The following CDH8 variants were observed in gnomAD, a reference collection of about 807,000 sequenced individuals.
CDH8 encodes the protein cadherin-8.
Under a neutral mutation model 68.1 loss-of-function variants are expected in CDH8, and 17 were observed. That is an observed-to-expected ratio of 0.25 (90% confidence interval 0.17 to 0.37). The LOEUF (loss-of-function observed/expected upper bound fraction) is 0.37. Ranked by LOEUF, CDH8 falls within the 10% of genes least tolerant of loss-of-function variation. CDH8 has a pLI of 1.00. For synonymous variants in CDH8, 372 were observed against 365.1 expected, an observed-to-expected ratio of 1.02 and a Z score of -0.21; for missense variants, 763 against 999.3, an observed-to-expected ratio of 0.76 and a Z score of 3.19.
intron 8 of CDH8, among the ~76,000 whole-genome samples, chr16:61,753,535 C>T (rs1362419219): frequency 6.6e-6 from 1 of 152,152 alleles, no homozygotes; most frequent in Non-Finnish European, 1.5e-5. Context: ...CCACCACACA[C>T]AGCTGATACT....
chr16:61,652,453 A>G lies in CDH8; in HGVS notation c.*1155T>C. 1 of 986,524 alleles carries G rather than the reference A, an allele frequency of 1.0e-6. No homozygotes were observed. The highest frequency in any genetic ancestry group is 1.2e-6 in the Non-Finnish European group (1 of 830,470). The allele number at this position is 986,524 out of a possible 1,614,324, so 61.1% of individuals were successfully genotyped here. A position where few individuals can be genotyped will look rare whatever the true frequency, so the allele number is the denominator to read the frequency against. On this transcript the variant is annotated 3_prime_UTR_variant, in exon 12 of 12. Coordinates refer to ENST00000577390, the MANE Select transcript of CDH8 (RefSeq NM_001796.5). ...TTTGTGCTTGTAGTAAAAACACCAA[A>G]TACTAGGATTATGAACAAAATAGAA... is the stretch of plus-strand genomic sequence containing the variant.
At chr16:61,873,536 G>A (rs937206970) in intron 3 of CDH8, among the ~76,000 whole-genome samples, 1 of 152,114 alleles carries the variant, frequency 6.6e-6, no homozygotes, top group Admixed American at 6.5e-5. Flanking sequence ...TCTCAAATAC[G>A]TTTACTATAC....
intron 2 of CDH8, among the ~76,000 whole-genome samples, chr16:61,970,491 ATATAATT>A (rs1356516535): frequency 2.6e-5 from 4 of 152,242 alleles, no homozygotes; most frequent in Admixed American, 2.6e-4. Flanking sequence ...CCTTAAAAAT[ATATAATT>A]TTTATTTGTC....
At position 61,653,787 on chromosome 16, in the gene CDH8, A is replaced by G. The variant is rs1257600562; in HGVS notation, c.2221T>C (p.Tyr741His). 6.2e-7 allele frequency: 1 copy of G among 1,614,202 alleles called. No individual in the cohort carries two copies. Among genetic ancestry groups the G allele is most frequent in the African/African-American group, 1.3e-5 (1 of 75,042 alleles). The change falls in exon 12 of 12, where the codon TAT (tyrosine) becomes CAT (histidine). Residue 741 changes from tyrosine (Y) to histidine (H), a missense_variant. Around this residue, in one of 2 missense-constraint regions of CDH8, gnomAD observed 397 missense variants for 436.2 expected, o/e 0.91. Transcript: ENST00000577390. ...TAGCCATATATCTGAATGGAGTCAT[A>G]TGGCGGGGCCGTGGGATCATTATCT... is the stretch of plus-strand genomic sequence containing the variant. ...EADNDPTAPPYDSIQIYGYEG... is the reference protein window; with the variant it reads ...EADNDPTAPPHDSIQIYGYEG...
intron 4 of CDH8, among the ~76,000 whole-genome samples, chr16:61,844,281 TG>T (rs1248379915): frequency 5.8e-5 from 3 of 51,814 alleles, no homozygotes; most frequent in Admixed American, 6.1e-4. Context: ...TGTTGTGGGG[TG>T]GGGGGAGGGG....
intron 2 of CDH8, among the ~76,000 whole-genome samples, chr16:62,015,198 T>G (rs1901906675): frequency 6.6e-6 from 1 of 152,130 alleles, no homozygotes. Flanking sequence ...TTTTAAAAAT[T>G]ATAGAAAATT....
intron 2 of CDH8, among the ~76,000 whole-genome samples, chr16:61,975,645 G>A (rs1431217706): frequency 6.6e-6 from 1 of 152,148 alleles, no homozygotes; most frequent in Admixed American, 6.5e-5. Context: ...CATTTTCATT[G>A]TAGTAAATAG....
intron 4 of CDH8, among the ~76,000 whole-genome samples, chr16:61,836,107 C>T (rs1597007096): frequency 6.6e-6 from 1 of 151,860 alleles, no homozygotes; most frequent in African/African-American, 2.4e-5. Flanking sequence ...TAATGTGGTC[C>T]TAATGCCTGT....
chr16:61,848,076 C>T (rs1204488025), intron 4 of CDH8, among the ~76,000 whole-genome samples: 1 of 151,926 alleles, frequency 6.6e-6, no homozygotes, highest in Non-Finnish European at 1.5e-5. Flanking sequence ...TCATATGAAA[C>T]AGAGCTAGAT....
intron 2 of CDH8, chr16:61,934,168 G>A (rs1270750824): frequency 1.3e-5 from 2 of 152,148 alleles, no homozygotes; most frequent in Non-Finnish European, 2.9e-5. Flanking sequence ...TAAACCTCTA[G>A]AACACCAGGG....
At chr16:61,913,751 T>C (rs1964196012) in intron 2 of CDH8, among the ~76,000 whole-genome samples, 1 of 152,084 alleles carries the variant, frequency 6.6e-6, no homozygotes, top group Non-Finnish European at 1.5e-5. Flanking sequence ...TCACACTAAA[T>C]AGATCTTTCA....
intron 8 of CDH8, among the ~76,000 whole-genome samples, chr16:61,750,270 G>T (rs1960126853): frequency 6.6e-6 from 1 of 152,034 alleles, no homozygotes; most frequent in African/African-American, 2.4e-5. Flanking sequence ...GAAAAACTAC[G>T]CAGTCTCTCA....
At chr16:61,985,828 A>AT in intron 2 of CDH8, among the ~76,000 whole-genome samples, 1 of 149,076 alleles carries the variant, frequency 6.7e-6, no homozygotes, top group East Asian at 2.0e-4. Context: ...TTTTTAGTGG[A>AT]TTTTTCTCAA....
At chr16:61,788,346 T>C (rs1438786295) in intron 8 of CDH8, among the ~76,000 whole-genome samples, 1 of 152,084 alleles carries the variant, frequency 6.6e-6, no homozygotes, top group Non-Finnish European at 1.5e-5. Context: ...ATAATTATCA[T>C]CTATATTTCT....
intron 10 of CDH8, among the ~76,000 whole-genome samples, chr16:61,695,904 A>G (rs1461415911): frequency 1.3e-5 from 2 of 152,296 alleles, no homozygotes; most frequent in East Asian, 3.9e-4. Flanking sequence ...TTTCATGAAC[A>G]TCAAATTTTG....
intron 2 of CDH8, among the ~76,000 whole-genome samples, chr16:61,984,172 C>A (rs1462837275): frequency 2.0e-5 from 3 of 152,092 alleles, no homozygotes; most frequent in African/African-American, 7.2e-5. Context: ...CCCACCTCGG[C>A]CTCCCAAAGT....
intron 10 of CDH8, among the ~76,000 whole-genome samples, chr16:61,697,017 T>G (rs1367136754): frequency 2.0e-5 from 3 of 152,090 alleles, no homozygotes; most frequent in South Asian, 2.1e-4. Context: ...AACAGGATTA[T>G]TCATATATAA....
chr16:61,761,144 A>G (rs1960457661), intron 8 of CDH8, among the ~76,000 whole-genome samples: 1 of 152,220 alleles, frequency 6.6e-6, no homozygotes, highest in African/African-American at 2.4e-5. Flanking sequence ...TAAAATTAAG[A>G]AGAATACCAA....
At chr16:61,927,449 T>C (rs905916911) in intron 2 of CDH8, among the ~76,000 whole-genome samples, 2 of 152,172 alleles carry the variant, frequency 1.3e-5, no homozygotes, top group African/African-American at 4.8e-5. Context: ...TATTTATAAG[T>C]ATAAATATTT....
Sources: allele counts gnomAD v4.1 joint callset (sites outside exome capture counted in the v4.1 genomes callset), GRCh38; gene constraint gnomAD v4.1.1; regional missense constraint gnomAD v4.1.1; transcripts MANE v1.5; gene names NCBI Gene and HGNC (gene_info 2026-07-23, HGNC 2026-07-21).